Variants in XKR4 observed in about 807,000 individuals in gnomAD.
The protein encoded by XKR4 is XK related 4, also known as XK-related protein 4.
In XKR4, 12 loss-of-function variants were observed where a neutral mutation model predicts 53.9. The ratio of observed to expected loss-of-function variants is 0.22; its 90% CI spans 0.14 to 0.36. The LOEUF (loss-of-function observed/expected upper bound fraction) is 0.36, where lower values mean the gene tolerates loss of function less well. Ranked by LOEUF, XKR4 falls within the 10% of genes least tolerant of loss-of-function variation. XKR4 has a pLI of 1.00. For synonymous variants in XKR4, 354 were observed against 362.4 expected, an observed-to-expected ratio of 0.98 and a Z score of 0.26; for missense variants, 799 against 859.5, an observed-to-expected ratio of 0.93 and a Z score of 0.88.
intron 1 of XKR4, among the ~76,000 whole-genome samples, chr8:55,295,510 T>G (rs1476867564): frequency 2.6e-5 from 4 of 152,186 alleles, no homozygotes; most frequent in African/African-American, 9.6e-5. Context: ...ATAACAACAA[T>G]ATGTTAAATG....
In XKR4 at chr8:55,154,660, G is replaced by A. The variant is rs576969313; in HGVS notation, c.806+51366G>A. Among the ~76,000 whole-genome samples, 36 of 152,220 alleles carry A rather than the reference G, an allele frequency of 2.4e-4. No homozygotes were observed. The South Asian group carries it at 7.3e-3, about 31-fold the overall frequency. Reference sequence around the variant, plus strand: ...GGTACTGGGCAAAATCCTCTGAAAAGCTTTCCAGGGAGATATACTGGGGCC... The same window carrying A: ...GGTACTGGGCAAAATCCTCTGAAAAACTTTCCAGGGAGATATACTGGGGCC... On this transcript the variant is annotated intron_variant, in intron 1 of 2. Transcript: ENST00000327381.
chr8:55,479,207 C>T (rs1048541311), intron 2 of XKR4, among the ~76,000 whole-genome samples: 1 of 152,048 alleles, frequency 6.6e-6, no homozygotes, highest in Non-Finnish European at 1.5e-5. Context: ...GTCTCTCAGA[C>T]CACAGTGCAA....
chr8:55,227,086 C>T (rs1321166907), intron 1 of XKR4, among the ~76,000 whole-genome samples: 2 of 152,160 alleles, frequency 1.3e-5, no homozygotes, highest in Non-Finnish European at 1.5e-5. Flanking sequence ...GTGGTGGCAA[C>T]CCCCACCTTC....
At chr8:55,455,258 A>G (rs2929040) in intron 2 of XKR4, 69,091 of 170,786 alleles carry the variant, frequency 0.4, 14,858 homozygotes, top group East Asian at 0.52. Context: ...CGGCGGCCGC[A>G]GCGGCTGCGG....
At chr8:55,114,284 T>C (rs1467280224) in intron 1 of XKR4, among the ~76,000 whole-genome samples, 2 of 152,190 alleles carry the variant, frequency 1.3e-5, no homozygotes, top group African/African-American at 4.8e-5. Context: ...TGGTGTAAGA[T>C]GGTACTCTTG....
chr8:55,148,134 T>C (rs993049965), intron 1 of XKR4, among the ~76,000 whole-genome samples: 9 of 152,248 alleles, frequency 5.9e-5, no homozygotes, highest in Non-Finnish European at 1.0e-4. Context: ...TACAGAGCTC[T>C]GATATCTGAA....
intron 2 of XKR4, among the ~76,000 whole-genome samples, chr8:55,365,727 A>AG (rs1554520447): frequency 6.9e-6 from 1 of 145,550 alleles, no homozygotes; most frequent in Non-Finnish European, 1.5e-5. Context: ...AAAAAAAAAA[A>AG]GGGATTTAGA....
intron 1 of XKR4, among the ~76,000 whole-genome samples, chr8:55,126,153 G>GA (rs1335393545): frequency 2.0e-5 from 3 of 151,846 alleles, no homozygotes; most frequent in Admixed American, 6.6e-5. Flanking sequence ...GAGGAGGAAA[G>GA]AAAAAAAAGT....
At position 55,378,678 on chromosome 8, in the gene XKR4, A is replaced by G. The variant is rs527863942; in HGVS notation, c.1006+20801A>G. ...TTGCCTATACTCACAATAAAAACTT[A>G]CATAAAAAGGTGGAGAGAGAGACAG... On this transcript the variant is annotated intron_variant, in intron 2 of 2. Transcript: ENST00000327381. Among the ~76,000 whole-genome samples, 26 of 152,322 alleles carry G rather than the reference A, an allele frequency of 1.7e-4. 1 individual carries two copies. In the South Asian group the frequency reaches 2.5e-3, roughly 15 times the overall value.
chr8:55,266,483 C>G (rs1818603176), intron 1 of XKR4, among the ~76,000 whole-genome samples: 1 of 152,162 alleles, frequency 6.6e-6, no homozygotes, highest in Admixed American at 6.5e-5. Context: ...GTGACATTTG[C>G]TAATGACAGC....
At chr8:55,322,286 T>C (rs550386235) in intron 1 of XKR4, among the ~76,000 whole-genome samples, 2 of 152,364 alleles carry the variant, frequency 1.3e-5, no homozygotes, top group South Asian at 4.1e-4. Context: ...TTCTTATTTA[T>C]AGCTGTAGTT....
intron 1 of XKR4, chr8:55,164,144 G>C: frequency 2.2e-6 from 1 of 455,450 alleles, no homozygotes; most frequent in Non-Finnish European, 4.4e-6. Flanking sequence ...AGCCCTACAG[G>C]AGTTTGCTCC....
intron 1 of XKR4, among the ~76,000 whole-genome samples, chr8:55,202,721 G>C (rs1274640473): frequency 6.6e-6 from 1 of 152,236 alleles, no homozygotes; most frequent in Non-Finnish European, 1.5e-5. Context: ...ATTTAAGTCT[G>C]CTTCTAAGCA....
chr8:55,495,205 AGATTGGAGTGGGCACT>A (rs1357746217), intron 2 of XKR4, among the ~76,000 whole-genome samples: 1 of 152,078 alleles, frequency 6.6e-6, no homozygotes, highest in East Asian at 1.9e-4. Context: ...CTTTGCTCTG[AGATTGGAGTGGGCACT>A]GACCACAGGG....
intron 1 of XKR4, among the ~76,000 whole-genome samples, chr8:55,264,371 A>G (rs1818570318): frequency 6.6e-6 from 1 of 152,162 alleles, no homozygotes; most frequent in South Asian, 2.1e-4. Flanking sequence ...AATTTTGCCT[A>G]TTTTGTTCAC....
chr8:55,112,562 G>GTTTTTTTTTTTT lies in XKR4; in HGVS notation c.806+9283_806+9294dup, dbSNP rs761779642. On this transcript the variant is annotated intron_variant, in intron 1 of 2. Transcript: ENST00000327381. ...TGGGGCTGAATTCTTTACTTTTCAG[G>GTTTTTTTTTTTT]TTTTTTTTTTTTTTTTTTTTTTTTT... 9.1e-5 allele frequency among the ~76,000 whole-genome samples: 7 copies of GTTTTTTTTTTTT among 77,214 alleles called. 1 individual carries two copies. Among genetic ancestry groups the GTTTTTTTTTTTT allele is most frequent in the Non-Finnish European group, 1.1e-4 (5 of 44,604 alleles). 50.7% of individuals were successfully genotyped at this position (77,214 alleles called of 152,430 possible).
intron 2 of XKR4, among the ~76,000 whole-genome samples, chr8:55,389,777 G>A (rs1175687963): frequency 6.6e-6 from 1 of 152,106 alleles, no homozygotes. Context: ...GAAGTTATAA[G>A]CCTGTCTTTA....
intron 2 of XKR4, among the ~76,000 whole-genome samples, chr8:55,485,825 G>A (rs916153352): frequency 1.3e-5 from 2 of 152,196 alleles, no homozygotes; most frequent in African/African-American, 2.4e-5. Context: ...GGCCCCAGGA[G>A]CTAAGTATAA....
intron 2 of XKR4, among the ~76,000 whole-genome samples, chr8:55,422,654 G>A (rs1006290587): frequency 6.6e-6 from 1 of 152,210 alleles, no homozygotes; most frequent in Non-Finnish European, 1.5e-5. Context: ...GGTGGAGAAT[G>A]CCAGACGGGT....
Sources: gnomAD v4.1 joint callset for allele counts (sites outside exome capture counted in the v4.1 genomes callset) on GRCh38, gnomAD v4.1.1 for gene constraint, MANE v1.5 for transcripts, NCBI Gene and HGNC (gene_info 2026-07-23, HGNC 2026-07-21) for gene names.